Variants in AIG1 observed in about 807,000 individuals in gnomAD.
AIG1 encodes the protein androgen induced 1.
AIG1 carries 23 observed loss-of-function variants against 31.4 expected under a neutral mutation model. The ratio of observed to expected loss-of-function variants is 0.73; its 90% CI spans 0.53 to 1.04. The LOEUF (loss-of-function observed/expected upper bound fraction) is 1.04. AIG1 is among the 50% of genes least tolerant of loss of function. AIG1 has a pLI of 0.00. For synonymous variants in AIG1, 100 were observed against 110.5 expected (o/e 0.90, Z 0.60); for missense variants, 274 against 295.0 (o/e 0.93, Z 0.52).
At chr6:143,210,181 C>T (rs181429561) in intron 3 of AIG1, among the ~76,000 whole-genome samples, 1 of 152,328 alleles carries the variant, frequency 6.6e-6, no homozygotes, top group Non-Finnish European at 1.5e-5. Context: ...CCTCCTGCCA[C>T]CATGTGAAGA....
chr6:143,189,654 T>G (rs535816325), intron 3 of AIG1: 1 of 985,466 alleles, frequency 1.0e-6, no homozygotes, highest in African/African-American at 1.7e-5. Flanking sequence ...GTTGATTTGC[T>G]TTAAATTGCA....
intron 3 of AIG1, among the ~76,000 whole-genome samples, chr6:143,200,317 T>C (rs957991606): frequency 6.6e-6 from 1 of 152,134 alleles, no homozygotes; most frequent in South Asian, 2.1e-4. Context: ...ATGGAAATTA[T>C]GACAACATCA....
At chr6:143,239,685 C>G (rs1276984389) in intron 3 of AIG1, among the ~76,000 whole-genome samples, 1 of 152,200 alleles carries the variant, frequency 6.6e-6, no homozygotes, top group East Asian at 1.9e-4. Context: ...GCATCTTGGT[C>G]TTTCCTGTGC....
intron 3 of AIG1, among the ~76,000 whole-genome samples, chr6:143,210,285 A>G (rs1410716679): frequency 1.3e-5 from 2 of 152,194 alleles, no homozygotes; most frequent in African/African-American, 4.8e-5. Flanking sequence ...TTCCTTTATA[A>G]GTTACCCAGT....
At position 143,325,312 on chromosome 6, in the gene AIG1, T is replaced by A. The variant is rs556540610; in HGVS notation, c.516-7970T>A. On this transcript the variant is annotated intron_variant, in intron 4 of 5. Transcript: ENST00000357847. The surrounding 1 kb of genome is among the most constrained non-coding windows in gnomAD (Gnocchi z 4.3). ...AGGCCCTTTCATGGGCCCACTTCCT[T>A]CAGACCCTGTACTCTTCCTGGGTCT... Among the ~76,000 whole-genome samples the A allele has an allele frequency of 8.1e-3, 1,233 of 152,316 alleles. 7 individuals carry two copies. Among genetic ancestry groups the A allele is most frequent in the African/African-American group, 0.028 (1,184 of 41,562 alleles).
intron 3 of AIG1, among the ~76,000 whole-genome samples, chr6:143,199,103 T>C (rs1790491345): frequency 6.6e-6 from 1 of 152,222 alleles, no homozygotes; most frequent in Admixed American, 6.5e-5. Flanking sequence ...AATCAACAGT[T>C]CGTTTCTTGC....
At chr6:143,218,199 G>A (rs1189846624) in intron 3 of AIG1, among the ~76,000 whole-genome samples, 1 of 152,140 alleles carries the variant, frequency 6.6e-6, no homozygotes, top group African/African-American at 2.4e-5. Context: ...TTAGTTGTGG[G>A]ATATTTGGGG....
At chr6:143,312,467 T>C (rs1382336441) in intron 4 of AIG1, among the ~76,000 whole-genome samples, 4 of 152,010 alleles carry the variant, frequency 2.6e-5, no homozygotes, top group African/African-American at 9.7e-5. Flanking sequence ...GAAAGGACAG[T>C]CTCTTCAATA....
Position 143,333,520 on chromosome 6 carries a change from T to C in AIG1, c.679+75T>C. The C allele has an allele frequency of 1.4e-6, 2 of 1,471,492 alleles. No individual in the cohort carries two copies. Among genetic ancestry groups the C allele is most frequent in the East Asian group, 2.4e-5 (1 of 42,338 alleles). 91.2% of individuals were successfully genotyped at this position (1,471,492 alleles called of 1,614,324 possible). On this transcript the variant is annotated intron_variant, in intron 5 of 5. Transcript: ENST00000357847. This position sits in a 1 kb window ranked among gnomAD's most constrained non-coding sequence, Gnocchi z 4.6. ...AGTCTATGCAGAGACTGAGGGAAAA[T>C]TCCACTGTAGCCTCTTCTTTTAGCC...
Position 143,099,049 on chromosome 6 carries a change from T to G in AIG1, c.142-37786T>G, listed in dbSNP as rs9403441. Among the ~76,000 whole-genome samples, 454 of 152,358 alleles carry G rather than the reference T, an allele frequency of 3.0e-3. 12 individuals are homozygous for G. The East Asian group carries it at 0.054, about 18-fold the overall frequency. ...TAACTCAAAAAATAATAATTTTAAC[T>G]TTAACTTCAGATCTTGGAAACATTT... On this transcript the variant is annotated intron_variant, in intron 1 of 5. Transcript: ENST00000357847.
intron 3 of AIG1, among the ~76,000 whole-genome samples, chr6:143,276,744 C>T (rs926215679): frequency 2.0e-5 from 3 of 152,084 alleles, no homozygotes; most frequent in Admixed American, 6.6e-5. Flanking sequence ...GGGAGGGTAG[C>T]AGATTTTGAG....
intron 1 of AIG1, among the ~76,000 whole-genome samples, chr6:143,091,258 T>A (rs2128476053): frequency 6.6e-6 from 1 of 152,348 alleles, no homozygotes; most frequent in South Asian, 2.1e-4. Context: ...TGGAATTGAC[T>A]TCTTCCAAAC....
intron 3 of AIG1, among the ~76,000 whole-genome samples, chr6:143,273,816 GA>G (rs1432720055): frequency 1.3e-5 from 2 of 152,104 alleles, no homozygotes; most frequent in Admixed American, 6.6e-5. Context: ...CTCCCACCAG[GA>G]CCCTCCCAAA....
intron 1 of AIG1, among the ~76,000 whole-genome samples, chr6:143,073,279 G>T (rs1777456839): frequency 6.6e-6 from 1 of 152,162 alleles, no homozygotes; most frequent in African/African-American, 2.4e-5. Context: ...TATCAACAGA[G>T]AGTTAGGTTG....
intron 3 of AIG1, among the ~76,000 whole-genome samples, chr6:143,259,947 C>A (rs1382509261): frequency 1.3e-5 from 2 of 150,542 alleles, no homozygotes; most frequent in Admixed American, 6.6e-5. Flanking sequence ...AATTCTGTAG[C>A]GTATGTGGCC....
At position 143,082,072 on chromosome 6, in the gene AIG1, C is replaced by T. The variant is rs188238500; in HGVS notation, c.141+21006C>T. On this transcript the variant is annotated intron_variant, in intron 1 of 5. Transcript: ENST00000357847. Reference sequence around the variant, plus strand: ...TCCTGATGTTTGATACGTGTTCCCTCGGAAGTTAGGAATTCCCTTTCTCTC... The same window carrying T: ...TCCTGATGTTTGATACGTGTTCCCTTGGAAGTTAGGAATTCCCTTTCTCTC... 1.7e-3 allele frequency among the ~76,000 whole-genome samples: 261 copies of T among 152,270 alleles called. 1 individual carries two copies. The highest frequency in any genetic ancestry group is 6.1e-3 in the African/African-American group (253 of 41,540).
chr6:143,285,907 T>C (rs1207856831), intron 4 of AIG1, among the ~76,000 whole-genome samples: 1 of 152,120 alleles, frequency 6.6e-6, no homozygotes, highest in Non-Finnish European at 1.5e-5. Flanking sequence ...GAGTGTTATC[T>C]TTCAGAATAG....
chr6:143,219,511 T>C (rs1792301583), intron 3 of AIG1, among the ~76,000 whole-genome samples: 1 of 152,068 alleles, frequency 6.6e-6, no homozygotes, highest in South Asian at 2.1e-4. Context: ...CTGGAGTCAA[T>C]TGGTGATTTT....
intron 4 of AIG1, among the ~76,000 whole-genome samples, chr6:143,290,252 A>G (rs1160502379): frequency 6.6e-6 from 1 of 152,242 alleles, no homozygotes; most frequent in Non-Finnish European, 1.5e-5. Flanking sequence ...GCAGGAATGA[A>G]AGGAAGTAAA....
Sources: gnomAD v4.1 joint callset for allele counts (sites outside exome capture counted in the v4.1 genomes callset) on GRCh38, gnomAD v4.1.1 for gene constraint, Gnocchi (gnomAD v3.1) non-coding constraint, MANE v1.5 for transcripts, NCBI Gene and HGNC (gene_info 2026-07-23, HGNC 2026-07-21) for gene names.